Variants in CD8B observed in about 807,000 individuals in gnomAD.
CD8B encodes the protein T-cell surface glycoprotein CD8 beta chain.
In CD8B, 6 loss-of-function variants were observed where a neutral mutation model predicts 24.2. The observed-to-expected ratio is 0.25, with a 90% CI of 0.14 to 0.49. The LOEUF is 0.49. Ranked by LOEUF, CD8B falls within the 20% of genes least tolerant of loss-of-function variation. The probability of loss-of-function intolerance (pLI) is 0.98; values close to 1 mark genes in which losing one functional copy is unlikely to be tolerated. For synonymous variants in CD8B, 84 were observed against 108.3 expected (o/e 0.78, Z 1.39); for missense variants, 196 against 271.3 (o/e 0.72, Z 1.95).
At chr2:86,832,933 T>TCCTTC (rs1408084449) in intron 5 of CD8B, 8 of 214,400 alleles carry the variant, frequency 3.7e-5, no homozygotes, top group Non-Finnish European at 5.7e-5. Flanking sequence ...TCCTCTCCTC[T>TCCTTC]CCTCTCCTCC....
intron 5 of CD8B, among the ~76,000 whole-genome samples, chr2:86,829,713 TTCTC>T (rs774544952): frequency 1.2e-4 from 19 of 152,306 alleles, no homozygotes; most frequent in Non-Finnish European, 2.4e-4. Flanking sequence ...TGCAGTCAGT[TTCTC>T]TCTGCTGCCT....
intron 5 of CD8B, 93 bp downstream of exon 5, chr2:86,844,829 T>C: frequency 1.3e-6 from 2 of 1,548,824 alleles, no homozygotes; most frequent in Non-Finnish European, 8.7e-7. Flanking sequence ...CTTTGGAAGA[T>C]GAGGTCTGAC....
chr2:86,842,488 AT>A (rs1675483043), intron 5 of CD8B, among the ~76,000 whole-genome samples, 169 bp from the exon 6 acceptor site: 1 of 152,230 alleles, frequency 6.6e-6, no homozygotes, highest in South Asian at 2.1e-4. Flanking sequence ...CATTAAAAAG[AT>A]TGTTAAGGCT....
intron 5 of CD8B, among the ~76,000 whole-genome samples, chr2:86,825,120 G>C (rs1391536384): frequency 6.6e-6 from 1 of 152,222 alleles, no homozygotes; most frequent in Admixed American, 6.5e-5. Context: ...TGGGAAAAGA[G>C]CAGGGGTGAT....
At position 86,856,561 on chromosome 2, in the gene CD8B, T is replaced by C. The variant is rs533813055; in HGVS notation, c.403+1496A>G. On this transcript the variant is annotated intron_variant, in intron 2 of 5. Transcript: ENST00000390655. ...CTGCTGTCCCCAGCTGCCCCTGCAC[T>C]TCCTCACGCTGAGTGGTCTAATTTC... Among the ~76,000 whole-genome samples the C allele has an allele frequency of 5.9e-5, 9 of 152,142 alleles. No homozygotes were observed. In the South Asian group the frequency reaches 1.9e-3, roughly 32 times the overall value.
chr2:86,830,234 T>G (rs1674855110), intron 5 of CD8B, among the ~76,000 whole-genome samples: 1 of 152,160 alleles, frequency 6.6e-6, no homozygotes, highest in Admixed American at 6.5e-5. Context: ...CAGCCAGTTT[T>G]TAGCATGTTT....
chr2:86,843,166 C>T (rs1003917541), intron 5 of CD8B, among the ~76,000 whole-genome samples: 2 of 152,154 alleles, frequency 1.3e-5, no homozygotes, highest in Admixed American at 6.5e-5. Flanking sequence ...GATCTCTGCT[C>T]ATTGCAACCT....
At chr2:86,848,711 T>TATTTATTTAATTTATTTATTTATTG (rs1381307168) in intron 3 of CD8B, among the ~76,000 whole-genome samples, 2 of 87,830 alleles carry the variant, frequency 2.3e-5, no homozygotes, top group Non-Finnish European at 4.2e-5. Flanking sequence ...ATTATTTATT[T>TATTTATTTAATTTATTTATTTATTG]ATTTATTTAT....
At chr2:86,822,260 T>C in intron 5 of CD8B, 1 of 914,208 alleles carries the variant, frequency 1.1e-6, no homozygotes, top group African/African-American at 1.7e-5. Flanking sequence ...TGATATCTGT[T>C]TCAGGTAAGA....
intron 5 of CD8B, among the ~76,000 whole-genome samples, chr2:86,825,316 G>A (rs907325710): frequency 6.6e-6 from 1 of 152,170 alleles, no homozygotes; most frequent in African/African-American, 2.4e-5. Flanking sequence ...CTACTGGGGG[G>A]CTATGGGGGC....
chr2:86,848,164 C>T (rs1452993074), intron 3 of CD8B, among the ~76,000 whole-genome samples: 1 of 152,214 alleles, frequency 6.6e-6, no homozygotes, highest in Non-Finnish European at 1.5e-5. Flanking sequence ...AAACCACAGA[C>T]TTTGCCCATT....
At chr2:86,833,192 T>A (rs1221538343), downstream of CD8B, among the ~76,000 whole-genome samples, 1 of 150,446 alleles carries the variant, frequency 6.6e-6, no homozygotes, top group African/African-American at 2.4e-5. Context: ...CAAGTTAATC[T>A]GTCTTTTTTT....
In CD8B at chr2:86,822,449, T is replaced by G. The variant is rs897978354; in HGVS notation, c.621-6731A>C. 4.4e-6 allele frequency: 4 copies of G among 906,848 alleles called. No individual in the cohort carries two copies. In the African/African-American group the frequency reaches 6.7e-5, roughly 15 times the overall value. The allele number at this position is 906,848 out of a possible 1,614,324, so 56.2% of individuals were successfully genotyped here. On this transcript the variant is annotated intron_variant, in intron 5 of 5. Transcript: ENST00000331469. ...AAATGTTCAGAAATAAAGCAATATT[T>G]AAGTAAACAATGATAATGCATTCAA...
rs1413705976 is a variant in CD8B, at chr2:86,839,887, G to A, written c.*2420C>T. 6.6e-6 allele frequency among the ~76,000 whole-genome samples: 1 copy of A among 152,170 alleles called. No individual in the cohort carries two copies. Among genetic ancestry groups the A allele is most frequent in the Non-Finnish European group, 1.5e-5 (1 of 68,042 alleles). On this transcript the variant is annotated 3_prime_UTR_variant, in exon 6 of 6. Transcript: ENST00000390655. Reference sequence around the variant, plus strand: ...ATTTGTTTGTGATGGGCCGGGTGAGGGGCCCACCTGAAACACGAACCCTAG... The same window carrying A: ...ATTTGTTTGTGATGGGCCGGGTGAGAGGCCCACCTGAAACACGAACCCTAG...
intron 5 of CD8B, among the ~76,000 whole-genome samples, chr2:86,816,519 T>C (rs1284016760): frequency 6.6e-6 from 1 of 152,298 alleles, no homozygotes; most frequent in East Asian, 1.9e-4. Flanking sequence ...CATATCATGA[T>C]TTATAAACTC....
intron 5 of CD8B, among the ~76,000 whole-genome samples, chr2:86,821,504 C>G (rs1193015194): frequency 6.6e-6 from 1 of 152,152 alleles, no homozygotes; most frequent in Non-Finnish European, 1.5e-5. Context: ...CCTTGTCCTG[C>G]GGACACACTT....
chr2:86,824,681 G>A (rs1267275536), intron 5 of CD8B, among the ~76,000 whole-genome samples: 2 of 152,110 alleles, frequency 1.3e-5, no homozygotes, highest in African/African-American at 4.8e-5. Flanking sequence ...CACCATCAGA[G>A]GTGGAAAGAA....
At chr2:86,819,039 C>A (rs184519697) in intron 5 of CD8B, among the ~76,000 whole-genome samples, 3 of 152,164 alleles carry the variant, frequency 2.0e-5, no homozygotes, top group African/African-American at 7.2e-5. Context: ...TAAGCAAAAG[C>A]CTAATCCAGA....
chr2:86,815,548 C>T (rs930083436), downstream of CD8B: 20 of 1,020,200 alleles, frequency 2.0e-5, no homozygotes, highest in African/African-American at 4.7e-5. Context: ...TCCCTCTGAG[C>T]GAGGGAGGAA....
Sources: allele counts gnomAD v4.1 joint callset (sites outside exome capture counted in the v4.1 genomes callset), GRCh38; gene constraint gnomAD v4.1.1; transcripts MANE v1.5; gene names NCBI Gene and HGNC (gene_info 2026-07-23, HGNC 2026-07-21).